GNPTAB: variants seen among roughly 807,000 people sequenced by gnomAD.
The protein encoded by GNPTAB is N-acetylglucosamine-1-phosphotransferase subunits alpha/beta.
GNPTAB carries 92 observed loss-of-function variants against 136.6 expected under a neutral mutation model. The observed-to-expected ratio is 0.67, with a 90% CI of 0.57 to 0.80. The LOEUF is 0.80. Ranked by LOEUF, GNPTAB falls within the 30% of genes least tolerant of loss-of-function variation. GNPTAB has a pLI of 0.00. For synonymous variants in GNPTAB, 512 were observed against 535.1 expected (o/e 0.96, Z 0.60); for missense variants, 1,343 against 1,501.8 (o/e 0.89, Z 1.75).
At chr12:101,796,882 ATTCACTT>A in intron 1 of GNPTAB, 120 bp from the exon 2 acceptor site, 1 of 702,812 alleles carries the variant, frequency 1.4e-6, no homozygotes, top group East Asian at 2.5e-5. Context: ...AAATTCATGT[ATTCACTT>A]ACTGCCTACC....
intron 2 of GNPTAB, among the ~76,000 whole-genome samples, chr12:101,790,821 C>G (rs971943243): frequency 4.6e-5 from 7 of 151,512 alleles, no homozygotes; most frequent in South Asian, 2.1e-4. Context: ...AATGCTGTAG[C>G]CTTCTTGTGC....
Position 101,769,985 on chromosome 12 carries a change from C to T in GNPTAB, c.1284+36G>A, listed in dbSNP as rs751778260. 5 of 1,599,786 alleles carry T rather than the reference C, an allele frequency of 3.1e-6. No homozygotes were observed. The South Asian group carries it at 3.3e-5, about 11-fold the overall frequency. ...CATTTTCTGATTTGCTAAGTGACTT[C>T]CACGCTAGACAACCCCCCTCCTCTT... On this transcript the variant is annotated intron_variant, in intron 10 of 20. Coordinates refer to ENST00000299314, the MANE Select transcript of GNPTAB (RefSeq NM_024312.5).
At chr12:101,813,698 T>G (rs780628509) in intron 1 of GNPTAB, among the ~76,000 whole-genome samples, 1 of 152,166 alleles carries the variant, frequency 6.6e-6, no homozygotes, top group Non-Finnish European at 1.5e-5. Flanking sequence ...CCCCTTAACC[T>G]CTAAAAATTA....
chr12:101,810,447 A>G (rs1039005689), intron 1 of GNPTAB: 14 of 144,424 alleles, frequency 9.7e-5, no homozygotes, highest in African/African-American at 3.4e-4. Flanking sequence ...ACACACACAC[A>G]CACACACACA....
At chr12:101,761,488 G>A in intron 14 of GNPTAB, 76 bp downstream of exon 14, 1 of 1,464,028 alleles carries the variant, frequency 6.8e-7, no homozygotes, top group South Asian at 1.1e-5. Flanking sequence ...TATAAATTTA[G>A]CATGGTAAAT....
rs529141447 is a variant in GNPTAB at position 101,764,101 on chromosome 12, G to A, written c.2715+101C>T. The A allele has an allele frequency of 4.6e-4, 671 of 1,453,862 alleles. 7 individuals are homozygous for A. The South Asian group carries it at 5.6e-3, about 12-fold the overall frequency. 90.1% of individuals were successfully genotyped at this position (1,453,862 alleles called of 1,614,324 possible). A position where few individuals can be genotyped will look rare whatever the true frequency, so the allele number is the denominator to read the frequency against. On this transcript the variant is annotated intron_variant, in intron 13 of 20. Transcript: ENST00000299314. ...AAGAAAAGCATTTAGTTCCATGGCC[G>A]GCACAGGGAAGTGCTGAATAAATGG...
intron 10 of GNPTAB, among the ~76,000 whole-genome samples, chr12:101,769,046 G>A (rs964212393): frequency 6.6e-6 from 1 of 152,178 alleles, no homozygotes; most frequent in Non-Finnish European, 1.5e-5. Context: ...GGGCCTGGTT[G>A]GGTAGCATAA....
At chr12:101,790,881 C>CA (rs1868948859) in intron 2 of GNPTAB, among the ~76,000 whole-genome samples, 2 of 148,460 alleles carry the variant, frequency 1.3e-5, no homozygotes. Flanking sequence ...TCTGCTTTTC[C>CA]TTTTTTTTTT....
At position 101,761,153 on chromosome 12, in the gene GNPTAB, T is replaced by C. The variant is rs761651358; in HGVS notation, c.3109A>G (p.Ile1037Val). The change falls in exon 15 of 21, where the codon ATT becomes GTT. Residue 1037 changes from isoleucine to valine, a missense_variant. Ile to Val is a conservative substitution (Grantham distance 29). Coordinates refer to ENST00000299314, the MANE Select transcript of GNPTAB (RefSeq NM_024312.5). Reference sequence around the variant, plus strand: ...TGCAAACTTAACGGCAGTTCGTGAATTCTGGTAGCCAGTGTTCGGATTTCT... The same window carrying C: ...TGCAAACTTAACGGCAGTTCGTGAACTCTGGTAGCCAGTGTTCGGATTTCT... ...DREIRTLATR[I>V]HELPLSLQDL... 4 of 1,613,838 alleles carry C rather than the reference T, an allele frequency of 2.5e-6. No individual in the cohort carries two copies. Among genetic ancestry groups the C allele is most frequent in the South Asian group, 1.1e-5 (1 of 91,076 alleles).
Position 101,827,236 on chromosome 12 carries a change from C to T in GNPTAB, c.117+3323G>A, listed in dbSNP as rs570086562. ...CTCAACCACCAGGGCTCAAGTGATC[C>T]TCCCACCCCAGTCTCCCAAGCAACT... is the stretch of plus-strand genomic sequence containing the variant. On this transcript the variant is annotated intron_variant, in intron 1 of 20. Coordinates refer to ENST00000299314, the MANE Select transcript of GNPTAB (RefSeq NM_024312.5). Among the ~76,000 whole-genome samples the T allele has an allele frequency of 1.6e-4, 25 of 152,056 alleles. No homozygotes were observed. The East Asian group carries it at 4.6e-3, about 28-fold the overall frequency.
chr12:101,763,019 G>A (rs762647244), intron 13 of GNPTAB, among the ~76,000 whole-genome samples: 6 of 151,396 alleles, frequency 4.0e-5, no homozygotes, highest in East Asian at 1.9e-4. Flanking sequence ...TCAGGAGTTC[G>A]AGACCAGCCT....
At chr12:101,782,237 AT>A (rs757157936) in intron 5 of GNPTAB, among the ~76,000 whole-genome samples, 96,656 of 151,334 alleles carry the variant, frequency 0.64, 32,185 homozygotes, top group East Asian at 0.92. Context: ...AAACCTTTAT[AT>A]ATGGTACCAA....
rs781247480 is a variant in GNPTAB, at chr12:101,764,360, T to G, written c.2557A>C (p.Thr853Pro). The G allele has an allele frequency of 6.2e-7, 1 of 1,614,110 alleles. No homozygotes were observed. Among genetic ancestry groups the G allele is most frequent in the Non-Finnish European group, 8.5e-7 (1 of 1,180,026 alleles). Residue 853 changes from threonine (T) to proline (P), a missense_variant, in exon 13 of 21, where the codon ACA (threonine) becomes CCA (proline). Physicochemically the swap from Thr to Pro is conservative, Grantham distance 38. Transcript: ENST00000299314. ...CTACTGTTCTCTTTTTCTTTCCCTG[T>G]GATTTTCTTTTCTTTTGTCATCTGG... is the stretch of plus-strand genomic sequence containing the variant. ...ESQMTKEKKITGKEKENSRME... is the reference protein window; with the variant it reads ...ESQMTKEKKIPGKEKENSRME...
Position 101,806,299 on chromosome 12 carries a change from A to T in GNPTAB, c.118-9537T>A, listed in dbSNP as rs549371369. 7.2e-5 allele frequency among the ~76,000 whole-genome samples: 11 copies of T among 152,354 alleles called. No individual in the cohort carries two copies. In the East Asian group the frequency reaches 2.1e-3, roughly 29 times the overall value. On this transcript the variant is annotated intron_variant, in intron 1 of 20. Coordinates refer to ENST00000299314, the MANE Select transcript of GNPTAB (RefSeq NM_024312.5). ...CAAACAAGCCAAAACTGCCAAAATAACAACAAGAAACAAAAACACAAATAT... is the reference window on the plus strand; with the variant it reads ...CAAACAAGCCAAAACTGCCAAAATATCAACAAGAAACAAAAACACAAATAT...
intron 1 of GNPTAB, among the ~76,000 whole-genome samples, chr12:101,809,571 C>T (rs1333497232): frequency 6.6e-6 from 1 of 152,084 alleles, no homozygotes; most frequent in Non-Finnish European, 1.5e-5. Context: ...TTATTCAGTG[C>T]TACAAAGAAA....
intron 5 of GNPTAB, among the ~76,000 whole-genome samples, chr12:101,784,307 G>T (rs768048840): frequency 2.6e-5 from 4 of 152,218 alleles, no homozygotes; most frequent in Non-Finnish European, 5.9e-5. Context: ...GAGGGAAGGG[G>T]AAGGGGACAG....
At chr12:101,762,525 A>T (rs10860783) in intron 13 of GNPTAB, among the ~76,000 whole-genome samples, 92,806 of 151,928 alleles carry the variant, frequency 0.61, 29,147 homozygotes, top group East Asian at 0.9. Context: ...TGTACAAGAG[A>T]ATTCACTGCA....
At chr12:101,777,771 G>A (rs939053189) in intron 7 of GNPTAB, among the ~76,000 whole-genome samples, 30 of 152,300 alleles carry the variant, frequency 2.0e-4, no homozygotes, top group African/African-American at 7.2e-4. Context: ...CAAAGCCTAA[G>A]GAAAGCAAGT....
At chr12:101,752,615 T>C (rs188707954) in intron 19 of GNPTAB, among the ~76,000 whole-genome samples, 1 of 152,316 alleles carries the variant, frequency 6.6e-6, no homozygotes, top group Non-Finnish European at 1.5e-5. Flanking sequence ...AGCCCCCAAA[T>C]TGCCCTGATC....
Sources: gnomAD v4.1 joint callset for allele counts (sites outside exome capture counted in the v4.1 genomes callset) on GRCh38, gnomAD v4.1.1 for gene constraint, MANE v1.5 for transcripts, NCBI Gene and HGNC (gene_info 2026-07-23, HGNC 2026-07-21) for gene names.